The following GFPT2 variants were observed in gnomAD, a reference collection of about 807,000 sequenced individuals.
The protein encoded by GFPT2 is glutamine--fructose-6-phosphate aminotransferase [isomerizing] 2.
GFPT2 carries 62 observed loss-of-function variants against 85.6 expected under a neutral mutation model. The observed-to-expected ratio is 0.72, with a 90% CI of 0.59 to 0.90. The LOEUF (loss-of-function observed/expected upper bound fraction) is 0.90, where lower values mean the gene tolerates loss of function less well. GFPT2 is among the 40% of genes least tolerant of loss of function. GFPT2 has a pLI of 0.00. For synonymous variants in GFPT2, 368 were observed against 344.5 expected, an observed-to-expected ratio of 1.07 and a Z score of -0.75; for missense variants, 788 against 893.4, an observed-to-expected ratio of 0.88 and a Z score of 1.50.
intron 1 of GFPT2, among the ~76,000 whole-genome samples, chr5:180,343,621 C>T (rs1764559361): frequency 6.6e-6 from 1 of 152,268 alleles, no homozygotes; most frequent in African/African-American, 2.4e-5. Flanking sequence ...CTGGATCCTC[C>T]CTGCACTCTA....
At chr5:180,346,720 C>T (rs1365835473) in intron 1 of GFPT2, among the ~76,000 whole-genome samples, 2 of 152,218 alleles carry the variant, frequency 1.3e-5, no homozygotes, top group East Asian at 3.9e-4. Context: ...CAACCCCCTA[C>T]CCCAGATGAA....
At chr5:180,338,850 G>C (rs768170348) in intron 1 of GFPT2, among the ~76,000 whole-genome samples, 1 of 152,196 alleles carries the variant, frequency 6.6e-6, no homozygotes, top group Non-Finnish European at 1.5e-5. Flanking sequence ...ATCCTATGCT[G>C]TACTTGCAGG....
chr5:180,344,500 G>T (rs897329168), intron 1 of GFPT2, among the ~76,000 whole-genome samples: 1 of 152,182 alleles, frequency 6.6e-6, no homozygotes, highest in Non-Finnish European at 1.5e-5. Context: ...AGGCCTGAGG[G>T]TTAACATGGA....
chr5:180,353,117 C>A, intron 1 of GFPT2, 94 bp downstream of exon 1: 1 of 1,084,110 alleles, frequency 9.2e-7, no homozygotes, highest in South Asian at 4.6e-5. Flanking sequence ...GCCAGGTCCT[C>A]GGCGCCTGCT....
At position 180,335,752 on chromosome 5, in the gene GFPT2, C is replaced by A. The variant is rs562879329; in HGVS notation, c.340+76G>T. ...AGTCAGTTAGAGGTGGGCGCGGAAC[C>A]TGCTTTGGCGGGCACTGGCCCTGAC... On this transcript the variant is annotated intron_variant, in intron 4 of 18. Transcript: ENST00000253778. The A allele has an allele frequency of 1.6e-5, 24 of 1,491,426 alleles. No individual in the cohort carries two copies. In the East Asian group the frequency reaches 4.4e-4, roughly 27 times the overall value. The allele number at this position is 1,491,426 out of a possible 1,614,324, so 92.4% of individuals were successfully genotyped here.
At chr5:180,351,067 T>C (rs1017072628) in intron 1 of GFPT2, among the ~76,000 whole-genome samples, 26 of 152,252 alleles carry the variant, frequency 1.7e-4, no homozygotes, top group African/African-American at 6.0e-4. Context: ...CTTGTACTAA[T>C]AGCATAATCA....
chr5:180,344,685 C>T (rs1296570629), intron 1 of GFPT2, among the ~76,000 whole-genome samples: 5 of 152,162 alleles, frequency 3.3e-5, no homozygotes, highest in African/African-American at 9.6e-5. Context: ...TGCTTTCCAC[C>T]GGTGCTTGAA....
intron 1 of GFPT2, among the ~76,000 whole-genome samples, chr5:180,348,002 G>A (rs1471418242): frequency 6.6e-6 from 1 of 152,080 alleles, no homozygotes; most frequent in Non-Finnish European, 1.5e-5. Flanking sequence ...CCGTTCCAGG[G>A]AGAGGCCCAG....
chr5:180,308,234 C>T (rs1421373016), intron 15 of GFPT2, among the ~76,000 whole-genome samples: 2 of 144,036 alleles, frequency 1.4e-5, no homozygotes, highest in East Asian at 2.0e-4. Flanking sequence ...CCAGCCTGGG[C>T]AACAGAGCGA....
intron 14 of GFPT2, among the ~76,000 whole-genome samples, chr5:180,312,887 C>T (rs1015491420): frequency 2.0e-5 from 3 of 152,222 alleles, no homozygotes; most frequent in African/African-American, 7.2e-5. Context: ...AGCGATTCTC[C>T]TGCCTCAGCC....
intron 1 of GFPT2, among the ~76,000 whole-genome samples, chr5:180,345,368 C>T (rs562843788): frequency 2.6e-5 from 4 of 152,336 alleles, no homozygotes; most frequent in South Asian, 2.1e-4. Flanking sequence ...ATGGACCCAT[C>T]GGGGGGCCTC....
At chr5:180,336,368 T>C (rs958692652) in intron 3 of GFPT2, 111 bp downstream of exon 3, 6 of 765,522 alleles carry the variant, frequency 7.8e-6, no homozygotes, top group Admixed American at 1.8e-5. Flanking sequence ...TCCCTCTGTT[T>C]ATCTGAGCTG....
rs373725403 is a variant in GFPT2, at chr5:180,316,915, C to A, written c.1054+48G>T. On this transcript the variant is annotated intron_variant, in intron 11 of 18. Transcript: ENST00000253778. ...CTGAGTCTACACAGTCACCGCATTC[C>A]CTGAGACTAGGCTCGGGCGGAGGCT... 1.2e-4 allele frequency: 194 copies of A among 1,562,956 alleles called. No homozygotes were observed. The African/African-American group carries it at 2.5e-3, about 20-fold the overall frequency.
At position 180,328,517 on chromosome 5, in the gene GFPT2, G is replaced by A. The variant is rs115988000; in HGVS notation, c.535-179C>T. On this transcript the variant is annotated intron_variant, in intron 6 of 18. Coordinates refer to ENST00000253778, the MANE Select transcript of GFPT2 (RefSeq NM_005110.4). The surrounding 1 kb of genome is among the most constrained non-coding windows in gnomAD (Gnocchi z 5.4). ...CATCACGAGGGAAAGCAAAACAGAC[G>A]GTGCCACGGGAAGTACCACAAACCA... 9.0e-4 allele frequency among the ~76,000 whole-genome samples: 137 copies of A among 152,314 alleles called. No individual in the cohort carries two copies. Among genetic ancestry groups the A allele is most frequent in the African/African-American group, 2.9e-3 (119 of 41,574 alleles).
chr5:180,353,277 G>A lies in GFPT2; in HGVS notation c.-60C>T, dbSNP rs1303939257. ...GGGGTCTGCCCGTTCGGACGCTGGG[G>A]CTCCTCCGTGGGCTCCTCCGTGGGC... On this transcript the variant is annotated 5_prime_UTR_variant, in exon 1 of 19. Coordinates refer to ENST00000253778, the MANE Select transcript of GFPT2 (RefSeq NM_005110.4). The A allele has an allele frequency of 1.7e-5, 21 of 1,228,432 alleles. No homozygotes were observed. The highest frequency in any genetic ancestry group is 2.1e-5 in the Non-Finnish European group (21 of 978,390). The allele number at this position is 1,228,432 out of a possible 1,614,324, so 76.1% of individuals were successfully genotyped here.
In GFPT2 at chr5:180,316,875, G is replaced by A. The variant is rs368744153; in HGVS notation, c.1055-14C>T. On this transcript the variant is annotated splice_polypyrimidine_tract_variant and intron_variant, in intron 11 of 18. Transcript: ENST00000253778. ...CACCCAGGAGCACTGCAGGGCACAC[G>A]ACAAGGCGTTAATGCTGAGTCTACA... 1.3e-5 allele frequency: 21 copies of A among 1,602,570 alleles called. No homozygotes were observed. The highest frequency in any genetic ancestry group is 3.3e-4 in the Middle Eastern group (2 of 6,068).
In GFPT2 at chr5:180,318,546, C is replaced by T; in HGVS notation, c.958+247G>A. Reference sequence around the variant, plus strand: ...TCGGTGAAGGAAGGCAGCTGACACACTGGGCTCAGTTCCAGTAGGAAAGAC... The same window carrying T: ...TCGGTGAAGGAAGGCAGCTGACACATTGGGCTCAGTTCCAGTAGGAAAGAC... On this transcript the variant is annotated intron_variant, in intron 10 of 18. Transcript: ENST00000253778. This position sits in a 1 kb window ranked among gnomAD's most constrained non-coding sequence, Gnocchi z 4.2. 2.0e-6 allele frequency: 1 copy of T among 504,990 alleles called. No individual in the cohort carries two copies. Among genetic ancestry groups the T allele is most frequent in the Non-Finnish European group, 3.6e-6 (1 of 278,934 alleles). 31.3% of individuals were successfully genotyped at this position (504,990 alleles called of 1,614,324 possible).
chr5:180,303,437 G>A (rs564096702), intron 17 of GFPT2, among the ~76,000 whole-genome samples: 1 of 152,344 alleles, frequency 6.6e-6, no homozygotes, highest in East Asian at 1.9e-4. Context: ...CAAAGGCCCG[G>A]AGGCGGGCGC....
rs916618381 is a variant in GFPT2, at chr5:180,328,573, C to A, written c.535-235G>T. Among the ~76,000 whole-genome samples, 5 of 152,344 alleles carry A rather than the reference C, an allele frequency of 3.3e-5. No homozygotes were observed. The highest frequency in any genetic ancestry group is 9.6e-5 in the African/African-American group (4 of 41,578). On this transcript the variant is annotated intron_variant, in intron 6 of 18. Coordinates refer to ENST00000253778, the MANE Select transcript of GFPT2 (RefSeq NM_005110.4). This position sits in a 1 kb window ranked among gnomAD's most constrained non-coding sequence, Gnocchi z 5.4. ...TGTGAATTCCACGGTGAGCGATGTG[C>A]GGCTTGCCCAGGCCCACAGGGAGCC... is the stretch of plus-strand genomic sequence containing the variant.
Sources: gnomAD v4.1 joint callset for allele counts (sites outside exome capture counted in the v4.1 genomes callset) on GRCh38, gnomAD v4.1.1 for gene constraint, Gnocchi (gnomAD v3.1) non-coding constraint, MANE v1.5 for transcripts, NCBI Gene and HGNC (gene_info 2026-07-23, HGNC 2026-07-21) for gene names.